Variants in GPM6B observed in about 807,000 individuals in gnomAD.
GPM6B encodes the protein glycoprotein M6B.
In GPM6B, 4 loss-of-function variants were observed where a neutral mutation model predicts 27.2. The observed-to-expected ratio is 0.15, with a 90% CI of 0.07 to 0.34. The LOEUF (loss-of-function observed/expected upper bound fraction) is 0.34, where lower values mean the gene tolerates loss of function less well. Among genes scored for constraint, GPM6B ranks in the 10% least tolerant of loss-of-function variants. The pLI, the probability that GPM6B is intolerant of heterozygous loss-of-function variation, is 1.00. For synonymous variants in GPM6B, 124 were observed against 103.1 expected (o/e 1.20, Z -1.23); for missense variants, 183 against 261.9 (o/e 0.70, Z 2.08).
chrX:13,802,807 G>A (rs956307009), intron 2 of GPM6B, among the ~76,000 whole-genome samples: 1 of 111,497 alleles, frequency 9.0e-6, no homozygotes, highest in Non-Finnish European at 1.9e-5. Context: ...TAACTGGAAG[G>A]CATCAGACAG....
At chrX:13,850,677 C>T (rs2049705273) in intron 1 of GPM6B, among the ~76,000 whole-genome samples, 1 of 111,886 alleles carries the variant, frequency 8.9e-6, no homozygotes, top group Admixed American at 9.5e-5. Flanking sequence ...CTTTAATATC[C>T]AGCTTCTTTG....
chrX:13,821,292 T>C (rs1370064587), upstream of GPM6B, among the ~76,000 whole-genome samples: 1 of 112,506 alleles, frequency 8.9e-6, no homozygotes, highest in African/African-American at 3.2e-5. Context: ...CTGTACATCT[T>C]GGCCCTGTTT....
At chrX:13,839,565 T>C (rs1484752184) in intron 1 of GPM6B, among the ~76,000 whole-genome samples, 1 of 111,188 alleles carries the variant, frequency 9.0e-6, no homozygotes, top group Non-Finnish European at 1.9e-5. Flanking sequence ...CTCCAGTCAT[T>C]GATCCTGGCT....
intron 1 of GPM6B, among the ~76,000 whole-genome samples, chrX:13,813,590 G>T (rs2049179142): frequency 9.0e-6 from 1 of 111,642 alleles, no homozygotes; most frequent in Admixed American, 9.5e-5. Flanking sequence ...CCCCATAATA[G>T]AGCATACAAA....
chrX:13,862,224 C>T (rs761016005), intron 1 of GPM6B, among the ~76,000 whole-genome samples: 1 of 111,492 alleles, frequency 9.0e-6, no homozygotes, highest in Non-Finnish European at 1.9e-5. Flanking sequence ...ACAAAAATAA[C>T]GCTTCCGGTT....
At chrX:13,838,298 G>A (rs371880308) in intron 1 of GPM6B, among the ~76,000 whole-genome samples, 1 of 111,705 alleles carries the variant, frequency 9.0e-6, no homozygotes, top group Non-Finnish European at 1.9e-5. Flanking sequence ...AACAGACTGC[G>A]ATGTTTTTGA....
chrX:13,845,258 G>A (rs886607117), intron 1 of GPM6B, among the ~76,000 whole-genome samples: 5 of 111,676 alleles, frequency 4.5e-5, no homozygotes, highest in African/African-American at 1.3e-4. Flanking sequence ...CCAAAGTGCC[G>A]GGATTACAGG....
chrX:13,778,632 C>T (rs1319805661), intron 5 of GPM6B, among the ~76,000 whole-genome samples: 1 of 112,100 alleles, frequency 8.9e-6, no homozygotes, highest in East Asian at 2.8e-4. Flanking sequence ...TGGGAAATTA[C>T]CCCAAATTAT....
intron 7 of GPM6B, chrX:13,773,326 T>TA (rs1306429398): frequency 2.2e-5 from 4 of 180,362 alleles, no homozygotes; most frequent in South Asian, 5.3e-4. Flanking sequence ...TTTTTTTTTT[T>TA]AATACCATTT....
rs921016780 is a variant in GPM6B at position 13,912,738 on chromosome X, T to C, written c.-198+25589A>G. 5.3e-5 allele frequency among the ~76,000 whole-genome samples: 6 copies of C among 112,407 alleles called. No homozygotes were observed. The East Asian group carries it at 1.4e-3, about 26-fold the overall frequency. On this transcript the variant is annotated intron_variant, in intron 1 of 6. Transcript: ENST00000398361. ...ATTCCTACTTTTCCTCAGTGGAAGG[T>C]TGGAACATTGTAAGAAACTGTCACT...
upstream of GPM6B, among the ~76,000 whole-genome samples, chrX:13,818,002 T>C (rs2049266295): frequency 8.9e-6 from 1 of 112,196 alleles, no homozygotes; most frequent in Admixed American, 9.4e-5. Flanking sequence ...GAAGGGGTGT[T>C]TTCAAGAGCT....
intron 1 of GPM6B, among the ~76,000 whole-genome samples, chrX:13,902,739 G>A (rs1240041380): frequency 9.0e-6 from 1 of 111,523 alleles, no homozygotes; most frequent in East Asian, 2.8e-4. Flanking sequence ...TCACAGAGAA[G>A]CCCATCTCTC....
intron 1 of GPM6B, among the ~76,000 whole-genome samples, chrX:13,903,416 A>G (rs891704820): frequency 1.8e-5 from 2 of 112,216 alleles, no homozygotes; most frequent in African/African-American, 6.5e-5. Context: ...CTGAAAGGTA[A>G]GTATAATCCC....
chrX:13,859,330 G>A (rs1163300317), intron 1 of GPM6B, among the ~76,000 whole-genome samples: 3 of 111,951 alleles, frequency 2.7e-5, no homozygotes, highest in Non-Finnish European at 5.6e-5. Flanking sequence ...AAATCACACA[G>A]TATGTTTGTG....
At chrX:13,902,318 T>G (rs949026730) in intron 1 of GPM6B, among the ~76,000 whole-genome samples, 7 of 110,519 alleles carry the variant, frequency 6.3e-5, no homozygotes, top group Non-Finnish European at 9.5e-5. Flanking sequence ...ATTCCATAAA[T>G]GTGGACTGGA....
At chrX:13,875,502 A>G (rs2050024010) in intron 1 of GPM6B, among the ~76,000 whole-genome samples, 1 of 111,868 alleles carries the variant, frequency 8.9e-6, no homozygotes, top group East Asian at 2.8e-4. Flanking sequence ...TTACTGTCTG[A>G]CCCAACAATT....
At chrX:13,822,138 C>A (rs2049314521), upstream of GPM6B, among the ~76,000 whole-genome samples, 1 of 111,129 alleles carries the variant, frequency 9.0e-6, no homozygotes, top group African/African-American at 3.3e-5. Flanking sequence ...ACTACTAATA[C>A]CTCTGCAATT....
intron 1 of GPM6B, among the ~76,000 whole-genome samples, chrX:13,814,449 TAAAAG>T (rs1457131432): frequency 2.7e-5 from 3 of 112,370 alleles, no homozygotes; most frequent in African/African-American, 9.7e-5. Context: ...CTGAAAGGCT[TAAAAG>T]AAAAACATAA....
upstream of GPM6B, among the ~76,000 whole-genome samples, chrX:13,818,505 T>C (rs1467002155): frequency 1.8e-5 from 2 of 112,601 alleles, no homozygotes; most frequent in African/African-American, 6.4e-5. Context: ...TCTAGATGTG[T>C]TACAGTCGAG....
Sources: allele counts gnomAD v4.1 joint callset (sites outside exome capture counted in the v4.1 genomes callset), GRCh38; gene constraint gnomAD v4.1.1; transcripts MANE v1.5; gene names NCBI Gene and HGNC (gene_info 2026-07-23, HGNC 2026-07-21).